Variants in DCAF8L2 observed in about 807,000 individuals in gnomAD.
The protein encoded by DCAF8L2 is DDB1 and CUL4 associated factor 8 like 2, also known as DDB1- and CUL4-associated factor 8-like protein 2.
For missense variants in DCAF8L2, 430 were observed against 490.7 expected (o/e 0.88, Z 1.17); for synonymous variants, 200 against 190.9 (o/e 1.05, Z -0.39).
the DCAF8L2 span, among the ~76,000 whole-genome samples, chrX:27,485,085 C>G: frequency 9.0e-6 from 1 of 111,424 alleles, no homozygotes. Flanking sequence ...TGGAAATGAT[C>G]ACACGATTTC....
intron 1 of DCAF8L2, among the ~76,000 whole-genome samples, chrX:27,629,223 C>T (rs957909521): frequency 9.0e-6 from 1 of 111,277 alleles, no homozygotes; most frequent in African/African-American, 3.3e-5. Flanking sequence ...TGTGGGCCCA[C>T]TTGTCTATTT....
the DCAF8L2 span, among the ~76,000 whole-genome samples, chrX:27,495,215 A>T: frequency 5.5e-4 from 62 of 112,138 alleles, no homozygotes; most frequent in South Asian, 5.9e-3. Context: ...TCAGTTGATC[A>T]AAAATGAATA....
the DCAF8L2 span, among the ~76,000 whole-genome samples, chrX:27,574,420 T>C: frequency 8.9e-6 from 1 of 112,155 alleles, no homozygotes; most frequent in South Asian, 3.7e-4. Flanking sequence ...TTTTATGCAG[T>C]TCACTGTTTC....
At chrX:27,517,970 T>A in the DCAF8L2 span, 1 of 1,189,932 alleles carries the variant, frequency 8.4e-7, no homozygotes, top group East Asian at 3.0e-5. Flanking sequence ...CTGCAGTATG[T>A]AGACAGCAAA....
the DCAF8L2 span, among the ~76,000 whole-genome samples, chrX:27,523,975 T>C: frequency 8.9e-6 from 1 of 111,980 alleles, no homozygotes; most frequent in Non-Finnish European, 1.9e-5. Context: ...ATCAGGGATA[T>C]TGGTCTAAAA....
At chrX:27,682,717 GTTT>G (rs1243541084) in intron 3 of DCAF8L2, among the ~76,000 whole-genome samples, 1 of 110,225 alleles carries the variant, frequency 9.1e-6, no homozygotes, top group Non-Finnish European at 1.9e-5. Flanking sequence ...TTTATATGTT[GTTT>G]AAGCTGCCAA....
chrX:27,648,503 C>CATAT lies in DCAF8L2; in HGVS notation c.-220+16512_-220+16515dup, dbSNP rs200073860. On this transcript the variant is annotated intron_variant, in intron 2 of 4. Coordinates refer to ENST00000451261, the MANE Select transcript of DCAF8L2 (RefSeq NM_001353450.2). Reference sequence around the variant, plus strand: ...TAGTAACATTTCCTAGTTAAGCAAACATATATATATATGTATTATTTATAT... The same window carrying CATAT: ...TAGTAACATTTCCTAGTTAAGCAAACATATATATATATATATGTATTATTTATAT... Among the ~76,000 whole-genome samples, 288 of 92,378 alleles carry CATAT rather than the reference C, an allele frequency of 3.1e-3. 3 individuals carry two copies. The highest frequency in any genetic ancestry group is 0.012 in the African/African-American group (257 of 21,615). The allele number at this position is 92,378 out of a possible 115,157, so 80.2% of individuals were successfully genotyped here. A position where few individuals can be genotyped will look rare whatever the true frequency, so the allele number is the denominator to read the frequency against.
the DCAF8L2 span, among the ~76,000 whole-genome samples, chrX:27,580,213 G>C: frequency 5.4e-5 from 6 of 110,648 alleles, no homozygotes; most frequent in African/African-American, 2.0e-4. Flanking sequence ...TTCCTTACAA[G>C]GCCCTTGTCA....
chrX:27,504,103 A>G, the DCAF8L2 span, among the ~76,000 whole-genome samples: 3 of 111,848 alleles, frequency 2.7e-5, no homozygotes, highest in Non-Finnish European at 3.8e-5. Context: ...GGTGGAAAAA[A>G]TTGCAACGTG....
At chrX:27,483,515 T>A in the DCAF8L2 span, among the ~76,000 whole-genome samples, 1 of 111,543 alleles carries the variant, frequency 9.0e-6, no homozygotes, top group Non-Finnish European at 1.9e-5. Flanking sequence ...GGAAATTTAG[T>A]TGAAAAATTA....
rs1259866073 is a variant in DCAF8L2 at position 27,747,245 on chromosome X, A to G, written c.350A>G (p.Asp117Gly). ...GAGGAGACAGAAAGGGAGGAGGAAG[A>G]CGAAGAGATACAAGAGGAGGGAGGG... ...GEEETEREEE[D>G]EEIQEEGGEE... The change falls in exon 5 of 5, where the codon GAC (aspartate) becomes GGC (glycine). Residue 117 changes from aspartate to glycine, a missense_variant. By Grantham distance (94) the Asp-to-Gly change is moderately conservative. Transcript: ENST00000451261. 1 of 1,158,880 alleles carries G rather than the reference A, an allele frequency of 8.6e-7. No individual in the cohort carries two copies. Among genetic ancestry groups the G allele is most frequent in the African/African-American group, 1.9e-5 (1 of 53,723 alleles).
chrX:27,682,636 A>G (rs527359556), intron 3 of DCAF8L2, among the ~76,000 whole-genome samples: 18 of 111,180 alleles, frequency 1.6e-4, no homozygotes, highest in African/African-American at 4.9e-4. Flanking sequence ...TTAAATTTCC[A>G]TATGACAAAA....
chrX:27,602,297 A>G (rs1317106439), intron 1 of DCAF8L2, among the ~76,000 whole-genome samples: 1 of 111,632 alleles, frequency 9.0e-6, no homozygotes, highest in Non-Finnish European at 1.9e-5. Flanking sequence ...AGCCTCTCAA[A>G]GTGCTGGGAT....
At chrX:27,484,341 C>T in the DCAF8L2 span, among the ~76,000 whole-genome samples, 2 of 111,472 alleles carry the variant, frequency 1.8e-5, no homozygotes, top group African/African-American at 6.5e-5. Context: ...CAGTGATTCA[C>T]AAATCCTTTT....
At chrX:27,671,795 A>G (rs1167724953) in intron 2 of DCAF8L2, among the ~76,000 whole-genome samples, 1 of 111,989 alleles carries the variant, frequency 8.9e-6, no homozygotes, top group Non-Finnish European at 1.9e-5. Flanking sequence ...TGTCACTTTC[A>G]ACTAAAATAA....
intron 4 of DCAF8L2, among the ~76,000 whole-genome samples, chrX:27,716,911 G>A (rs1931719919): frequency 9.0e-6 from 1 of 111,181 alleles, no homozygotes; most frequent in Middle Eastern, 4.7e-3. Context: ...AGGCTGCAGT[G>A]TGTGTTGTTC....
chrX:27,679,696 C>T (rs976624106), intron 3 of DCAF8L2, among the ~76,000 whole-genome samples: 3 of 111,388 alleles, frequency 2.7e-5, no homozygotes, highest in African/African-American at 9.8e-5. Context: ...CTTGGGTCCT[C>T]ATCCACTATT....
chrX:27,634,989 TAGAGAG>T (rs1187785568), intron 2 of DCAF8L2, among the ~76,000 whole-genome samples: 1 of 94,987 alleles, frequency 1.1e-5, no homozygotes, highest in African/African-American at 4.2e-5. Flanking sequence ...CACACATATA[TAGAGAG>T]AGAGAGAGAA....
rs748122574 is a variant in DCAF8L2, at chrX:27,618,487, G to T, written c.-341-13392G>T. 3.6e-5 allele frequency among the ~76,000 whole-genome samples: 4 copies of T among 111,514 alleles called. No individual in the cohort carries two copies. In the South Asian group the frequency reaches 1.1e-3, roughly 31 times the overall value. ...GAGAAAACGTTCATAGACTTTTTAGGTGCATTAGACACAAGTAGCTATGGC... is the reference window on the plus strand; with the variant it reads ...GAGAAAACGTTCATAGACTTTTTAGTTGCATTAGACACAAGTAGCTATGGC... On this transcript the variant is annotated intron_variant, in intron 1 of 4. Transcript: ENST00000451261.
Sources: gnomAD v4.1 joint callset for allele counts (sites outside exome capture counted in the v4.1 genomes callset) on GRCh38, gnomAD v4.1.1 for gene constraint, MANE v1.5 for transcripts, NCBI Gene and HGNC (gene_info 2026-07-23, HGNC 2026-07-21) for gene names.